Variants in RIN3 observed in about 807,000 individuals in gnomAD.
The protein encoded by RIN3 is Ras and Rab interactor 3.
A neutral mutation model predicts 76.3 loss-of-function variants in RIN3; 54 were observed. The observed-to-expected ratio is 0.71, with a 90% CI of 0.57 to 0.89. RIN3 has a LOEUF of 0.89. Among genes scored for constraint, RIN3 ranks in the 40% least tolerant of loss-of-function variants. The pLI is 0.00. For synonymous variants in RIN3, 576 were observed against 564.0 expected (o/e 1.02, Z -0.30); for missense variants, 1,256 against 1,322.1 (o/e 0.95, Z 0.78).
chr14:92,646,995 A>C (rs1204544342), intron 5 of RIN3, among the ~76,000 whole-genome samples: 1 of 152,234 alleles, frequency 6.6e-6, no homozygotes, highest in Non-Finnish European at 1.5e-5. Context: ...CTGGGTTTCC[A>C]GTCCGCTGGA....
At chr14:92,610,713 C>T (rs1885700304) in intron 3 of RIN3, among the ~76,000 whole-genome samples, 1 of 152,108 alleles carries the variant, frequency 6.6e-6, no homozygotes, top group Non-Finnish European at 1.5e-5. Flanking sequence ...GCAGGACAAA[C>T]AGCATGAGCA....
intron 1 of RIN3, among the ~76,000 whole-genome samples, chr14:92,534,598 AACAAAAAG>A (rs1896954374): frequency 6.7e-6 from 1 of 149,292 alleles, no homozygotes; most frequent in African/African-American, 2.5e-5. Flanking sequence ...AAAAAAAAAA[AACAAAAAG>A]AAAGAAAGAA....
At chr14:92,679,714 G>T (rs921796863) in intron 8 of RIN3, among the ~76,000 whole-genome samples, 1 of 152,198 alleles carries the variant, frequency 6.6e-6, no homozygotes, top group Non-Finnish European at 1.5e-5. Context: ...ACTGAGCCCT[G>T]ACAGAGCTCA....
Position 92,652,147 on chromosome 14 carries a change from T to A in RIN3, c.1098T>A (p.Ser366Arg), listed in dbSNP as rs766571756. The A allele has an allele frequency of 2.5e-6, 4 of 1,603,970 alleles. No homozygotes were observed. The Admixed American group carries it at 6.7e-5, about 27-fold the overall frequency. Residue 366 changes from serine (S) to arginine (R), a missense_variant, in exon 6 of 10, where the codon AGT becomes AGA. Coordinates refer to ENST00000216487, the MANE Select transcript of RIN3 (RefSeq NM_024832.5). The surrounding 1 kb of genome is among the most constrained non-coding windows in gnomAD (Gnocchi z 6.4). The part of the protein sequence containing the change: ...EEAMKPGAAS[S>R]PLQQVPAPPL... The stretch of plus-strand genomic sequence containing the variant: ...CGATGAAGCCAGGGGCAGCCTCCAG[T>A]CCCTTGCAGCAGGTCCCCGCCCCGC...
intron 7 of RIN3, among the ~76,000 whole-genome samples, chr14:92,667,568 A>AT (rs1357609740): frequency 6.6e-6 from 1 of 152,116 alleles, no homozygotes; most frequent in Non-Finnish European, 1.5e-5. Context: ...GCTCATGTTT[A>AT]TTGTTGCAAA....
At chr14:92,545,276 A>AT (rs1232010196) in intron 1 of RIN3, among the ~76,000 whole-genome samples, 4 of 151,114 alleles carry the variant, frequency 2.6e-5, no homozygotes, top group Admixed American at 6.6e-5. Context: ...CGCCTGGCTA[A>AT]TTTTTTTGTA....
At chr14:92,588,261 C>G (rs1293336158) in intron 3 of RIN3, among the ~76,000 whole-genome samples, 1 of 99,070 alleles carries the variant, frequency 1.0e-5, no homozygotes. Flanking sequence ...GAGTTTCGCT[C>G]TTGTTGCCCA....
At chr14:92,624,304 G>C (rs1314802970) in intron 4 of RIN3, among the ~76,000 whole-genome samples, 1 of 152,160 alleles carries the variant, frequency 6.6e-6, no homozygotes, top group South Asian at 2.1e-4. Flanking sequence ...GGTGCAACTC[G>C]AAGAATCCTA....
intron 4 of RIN3, among the ~76,000 whole-genome samples, chr14:92,619,580 C>T (rs1364547614): frequency 6.6e-6 from 1 of 151,686 alleles, no homozygotes; most frequent in East Asian, 1.9e-4. Flanking sequence ...GCTGGGACTA[C>T]AAGCGCCTGG....
rs1426783258 is a variant in RIN3, at chr14:92,681,328, A to C, written c.2468-3659A>C. 2.9e-5 allele frequency among the ~76,000 whole-genome samples: 2 copies of C among 70,068 alleles called. No individual in the cohort carries two copies. The highest frequency in any genetic ancestry group is 6.2e-5 in the Non-Finnish European group (2 of 32,282). The allele number at this position is 70,068 out of a possible 152,430, so 46.0% of individuals were successfully genotyped here. A position where few individuals can be genotyped will look rare whatever the true frequency, so the allele number is the denominator to read the frequency against. ...GAGAGAGGCCTCACGAAGAAGTCAGACTCCAGCACCAAGAGTGCAGCAGTA... is the reference window on the plus strand; with the variant it reads ...GAGAGAGGCCTCACGAAGAAGTCAGCCTCCAGCACCAAGAGTGCAGCAGTA... On this transcript the variant is annotated intron_variant, in intron 8 of 9. Coordinates refer to ENST00000216487, the MANE Select transcript of RIN3 (RefSeq NM_024832.5). This position sits in a 1 kb window ranked among gnomAD's most constrained non-coding sequence, Gnocchi z 4.7.
At position 92,643,061 on chromosome 14, in the gene RIN3, CT is replaced by C. The variant is rs371645403; in HGVS notation, c.532+1742del. ...CATCGTCTCATGGTGCCTCTTAACT[CT>C]TTTTTTTTTGAGATGGAGTCTCACT... On this transcript the variant is annotated intron_variant, in intron 5 of 9. Transcript: ENST00000216487. This position sits in a 1 kb window ranked among gnomAD's most constrained non-coding sequence, Gnocchi z 4.8. Among the ~76,000 whole-genome samples the C allele has an allele frequency of 6.0e-5, 9 of 149,660 alleles. No homozygotes were observed. The highest frequency in any genetic ancestry group is 1.5e-4 in the African/African-American group (6 of 40,800).
rs574159048 is a variant in RIN3, at chr14:92,555,628, C to T, written c.45-123C>T. 196 of 888,750 alleles carry T rather than the reference C, an allele frequency of 2.2e-4. 2 individuals are homozygous for T. In the South Asian group the frequency reaches 2.9e-3, roughly 13 times the overall value. The allele number at this position is 888,750 out of a possible 1,614,324, so 55.1% of individuals were successfully genotyped here. On this transcript the variant is annotated intron_variant, in intron 1 of 9. Transcript: ENST00000216487. Reference sequence around the variant, plus strand: ...ATGGTTTGTTGATTTTTTTTTAATTCCCCAAAGGGCCACTGACTACCTCAT... The same window carrying T: ...ATGGTTTGTTGATTTTTTTTTAATTTCCCAAAGGGCCACTGACTACCTCAT...
At chr14:92,615,543 T>C in intron 4 of RIN3, 64 bp downstream of exon 4, 2 of 1,404,104 alleles carry the variant, frequency 1.4e-6, no homozygotes, top group Non-Finnish European at 1.0e-6. Context: ...CAACCCTGGG[T>C]GGGTGCAGGG....
Position 92,514,250 on chromosome 14 carries a change from A to G in RIN3, c.44+274A>G, listed in dbSNP as rs1247825624. On this transcript the variant is annotated intron_variant, in intron 1 of 9. Transcript: ENST00000216487. This position sits in a 1 kb window ranked among gnomAD's most constrained non-coding sequence, Gnocchi z 7.2. ...CACACTTTAGGCTGCTGGTGGACGGATTACGAGGGAGTGCGTCGCTACCTG... is the reference window on the plus strand; with the variant it reads ...CACACTTTAGGCTGCTGGTGGACGGGTTACGAGGGAGTGCGTCGCTACCTG... Among the ~76,000 whole-genome samples the G allele has an allele frequency of 6.6e-6, 1 of 151,842 alleles. No homozygotes were observed. Among genetic ancestry groups the G allele is most frequent in the Non-Finnish European group, 1.5e-5 (1 of 67,934 alleles).
intron 8 of RIN3, among the ~76,000 whole-genome samples, chr14:92,678,517 C>T (rs1888557401): frequency 7.2e-6 from 1 of 138,180 alleles, no homozygotes; most frequent in South Asian, 2.5e-4. Context: ...TCCACATATT[C>T]GCCCATCCAC....
intron 6 of RIN3, among the ~76,000 whole-genome samples, chr14:92,654,655 C>T (rs76811041): frequency 0.014 from 2,194 of 152,244 alleles, 58 homozygotes; most frequent in African/African-American, 0.05. Flanking sequence ...TTCATGATGG[C>T]GTTTCAGGTG....
chr14:92,596,934 G>C (rs571966088), intron 3 of RIN3, among the ~76,000 whole-genome samples: 5 of 152,200 alleles, frequency 3.3e-5, no homozygotes, highest in African/African-American at 1.2e-4. Context: ...TCCCAACTTG[G>C]TGGTAAGTAC....
chr14:92,541,462 C>T (rs80298562), intron 1 of RIN3, among the ~76,000 whole-genome samples: 38 of 152,284 alleles, frequency 2.5e-4, no homozygotes, highest in African/African-American at 8.4e-4. Flanking sequence ...TCATTATACT[C>T]GGATAAAAGC....
At chr14:92,636,090 G>A (rs1307573134) in intron 4 of RIN3, among the ~76,000 whole-genome samples, 5 of 152,182 alleles carry the variant, frequency 3.3e-5, no homozygotes, top group Non-Finnish European at 5.9e-5. Context: ...CGAGATGAGT[G>A]TAAGGAAAGT....
Sources: gnomAD v4.1 joint callset for allele counts (sites outside exome capture counted in the v4.1 genomes callset) on GRCh38, gnomAD v4.1.1 for gene constraint, Gnocchi (gnomAD v3.1) non-coding constraint, MANE v1.5 for transcripts, NCBI Gene and HGNC (gene_info 2026-07-23, HGNC 2026-07-21) for gene names.